Variants in MTFR1 observed in about 807,000 individuals in gnomAD.
MTFR1 encodes chondrocyte protein with a poly-proline region.
In MTFR1, 28 loss-of-function variants were observed where a neutral mutation model predicts 38.8. The ratio of observed to expected loss-of-function variants is 0.72; its 90% CI spans 0.53 to 0.99. The LOEUF (loss-of-function observed/expected upper bound fraction) is 0.99. Among genes scored for constraint, MTFR1 ranks in the 50% least tolerant of loss-of-function variants. MTFR1 has a pLI of 0.00. For synonymous variants in MTFR1, 145 were observed against 137.0 expected (o/e 1.06, Z -0.41); for missense variants, 358 against 395.5 (o/e 0.91, Z 0.81).
At chr8:65,721,531 TG>T (rs1350386193) in intron 3 of MTFR1, among the ~76,000 whole-genome samples, 1 of 152,168 alleles carries the variant, frequency 6.6e-6, no homozygotes, top group Non-Finnish European at 1.5e-5. Flanking sequence ...AGTCAGCAGA[TG>T]TCAACAATCA....
At chr8:65,693,386 A>G (rs1463451233) in intron 3 of MTFR1, among the ~76,000 whole-genome samples, 2 of 151,762 alleles carry the variant, frequency 1.3e-5, no homozygotes, top group East Asian at 3.9e-4. Context: ...TGGGCGACAG[A>G]GCTAGACTTT....
chr8:65,688,659 T>G (rs1805175236), intron 3 of MTFR1, among the ~76,000 whole-genome samples: 2 of 150,048 alleles, frequency 1.3e-5, no homozygotes, highest in African/African-American at 4.9e-5. Context: ...TTAGCCAGGA[T>G]GGTCTCGATC....
At chr8:65,652,362 G>A (rs57962817) in intron 1 of MTFR1, among the ~76,000 whole-genome samples, 29,185 of 151,956 alleles carry the variant, frequency 0.19, 2,965 homozygotes, top group Middle Eastern at 0.23. Context: ...CTCCCAAAGT[G>A]CTGGGATTAC....
In MTFR1 at chr8:65,681,727, G is replaced by A. The variant is rs930371916; in HGVS notation, c.67-626G>A. On this transcript the variant is annotated intron_variant, in intron 2 of 7. Coordinates refer to ENST00000262146, the MANE Select transcript of MTFR1 (RefSeq NM_014637.4). ...TTTTTGTCTTTAAGCATAGCATAAT[G>A]TCCTGTTTTATTATGATTTCATCTG... Among the ~76,000 whole-genome samples, 4 of 127,376 alleles carry A rather than the reference G, an allele frequency of 3.1e-5. No individual in the cohort carries two copies. In the South Asian group the frequency reaches 9.9e-4, roughly 31 times the overall value. 83.6% of individuals were successfully genotyped at this position (127,376 alleles called of 152,430 possible). A position where few individuals can be genotyped will look rare whatever the true frequency, so the allele number is the denominator to read the frequency against.
intron 2 of MTFR1, among the ~76,000 whole-genome samples, chr8:65,676,397 G>A (rs940152353): frequency 6.6e-6 from 1 of 152,164 alleles, no homozygotes; most frequent in Non-Finnish European, 1.5e-5. Flanking sequence ...ACGAAATCTT[G>A]TTGTGTCCCA....
intron 3 of MTFR1, chr8:65,734,691 CTG>C: frequency 1.4e-6 from 1 of 693,192 alleles, no homozygotes; most frequent in Middle Eastern, 2.5e-4. Flanking sequence ...TGAAGGAAGT[CTG>C]TGATTTTCAG....
intron 4 of MTFR1, among the ~76,000 whole-genome samples, chr8:65,704,220 A>G (rs1223527383): frequency 2.0e-5 from 3 of 152,192 alleles, no homozygotes; most frequent in Admixed American, 6.5e-5. Context: ...TTTTGCTCTT[A>G]CCCTGGCACA....
intron 1 of MTFR1, among the ~76,000 whole-genome samples, chr8:65,657,658 T>A (rs1809305289): frequency 6.6e-6 from 1 of 151,040 alleles, no homozygotes; most frequent in Non-Finnish European, 1.5e-5. Context: ...TGAGCAATGA[T>A]CATGCCACTG....
intron 1 of MTFR1, among the ~76,000 whole-genome samples, chr8:65,667,023 C>T (rs1022254): frequency 0.19 from 29,186 of 152,108 alleles, 2,960 homozygotes; most frequent in Middle Eastern, 0.23. Flanking sequence ...ACCTTAATCC[C>T]AGCACTTTGG....
At chr8:65,683,494 A>G (rs1264980868) in intron 3 of MTFR1, among the ~76,000 whole-genome samples, 1 of 151,872 alleles carries the variant, frequency 6.6e-6, no homozygotes, top group Non-Finnish European at 1.5e-5. Flanking sequence ...TTTTTTAGCA[A>G]TTCTTTACAA....
intron 3 of MTFR1, among the ~76,000 whole-genome samples, chr8:65,767,903 C>A (rs886303711): frequency 6.6e-6 from 1 of 152,144 alleles, no homozygotes; most frequent in Non-Finnish European, 1.5e-5. Context: ...TCCTGGGAAC[C>A]GCAACCTGAA....
chr8:65,667,040 G>C (rs2129050480), intron 1 of MTFR1, among the ~76,000 whole-genome samples: 1 of 152,294 alleles, frequency 6.6e-6, no homozygotes, highest in Middle Eastern at 3.4e-3. Flanking sequence ...TTGGGAGGCT[G>C]AGGTGGTGGA....
rs1437994942 is a variant in MTFR1, at chr8:65,707,106, C to T, written c.614C>T (p.Thr205Ile). 1 of 1,420,042 alleles carries T rather than the reference C, an allele frequency of 7.0e-7. No homozygotes were observed. The highest frequency in any genetic ancestry group is 9.5e-7 in the Non-Finnish European group (1 of 1,057,062). 88.0% of individuals were successfully genotyped at this position (1,420,042 alleles called of 1,614,324 possible). A position where few individuals can be genotyped will look rare whatever the true frequency, so the allele number is the denominator to read the frequency against. ...PPPALGLHQS[T>I]SAVDLIKERR... The stretch of plus-strand genomic sequence containing the variant: ...CCTGCACTGGGGCTCCACCAAAGTA[C>T]ATCTGCTGTTGATCTGATTAAAGAA... The change falls in exon 6 of 8, where the codon ACA (threonine) becomes ATA (isoleucine). Residue 205 changes from threonine to isoleucine, a missense_variant. Transcript: ENST00000262146.
chr8:65,718,666 A>G (rs1353603542), intron 2 of MTFR1: 1 of 152,772 alleles, frequency 6.5e-6, no homozygotes, highest in Non-Finnish European at 1.5e-5. Flanking sequence ...ATAAAACTAT[A>G]GCAAATGGGA....
intron 3 of MTFR1, among the ~76,000 whole-genome samples, chr8:65,686,652 G>GT (rs1321859217): frequency 1.3e-5 from 2 of 151,332 alleles, no homozygotes; most frequent in Non-Finnish European, 2.9e-5. Context: ...TGGGCACGGG[G>GT]TGGCTCACAC....
intron 1 of MTFR1, among the ~76,000 whole-genome samples, chr8:65,653,328 G>A (rs1204952904): frequency 6.6e-6 from 1 of 151,930 alleles, no homozygotes; most frequent in African/African-American, 2.4e-5. Flanking sequence ...CCTGACCAGT[G>A]TGGTGAAACT....
At chr8:65,650,374 T>G (rs1004565934) in intron 1 of MTFR1, among the ~76,000 whole-genome samples, 5 of 152,054 alleles carry the variant, frequency 3.3e-5, no homozygotes, top group African/African-American at 1.2e-4. Context: ...GGTTTCACCA[T>G]TTTGGCCCAG....
Position 65,709,051 on chromosome 8 carries a change from A to G in MTFR1, c.*7A>G. 6.2e-7 allele frequency: 1 copy of G among 1,613,714 alleles called. No homozygotes were observed. ...AAATGTATCAGACTCCTAATAGACA[A>G]TGAGCTGCGAAAAGACTCCTGGTTC... On this transcript the variant is annotated 3_prime_UTR_variant, in exon 8 of 8. Coordinates refer to ENST00000262146, the MANE Select transcript of MTFR1 (RefSeq NM_014637.4).
At chr8:65,699,243 T>C (rs1302937312) in intron 4 of MTFR1, among the ~76,000 whole-genome samples, 1 of 152,228 alleles carries the variant, frequency 6.6e-6, no homozygotes, top group Non-Finnish European at 1.5e-5. Context: ...AGTCTACCAC[T>C]GATGGACATT....
Sources: gnomAD v4.1 joint callset for allele counts (sites outside exome capture counted in the v4.1 genomes callset) on GRCh38, gnomAD v4.1.1 for gene constraint, MANE v1.5 for transcripts, NCBI Gene and HGNC (gene_info 2026-07-23, HGNC 2026-07-21) for gene names.